The following LHFPL3 variants were observed in gnomAD, a reference collection of about 807,000 sequenced individuals.
The protein encoded by LHFPL3 is LHFPL tetraspan subfamily member 3.
Under a neutral mutation model 19.3 loss-of-function variants are expected in LHFPL3, and 5 were observed. The ratio of observed to expected loss-of-function variants is 0.26; its 90% confidence interval spans 0.14 to 0.54. The LOEUF (loss-of-function observed/expected upper bound fraction) is 0.54, where lower values mean the gene tolerates loss of function less well. Among genes scored for constraint, LHFPL3 ranks in the 20% least tolerant of loss-of-function variants. The pLI, the probability that LHFPL3 is intolerant of heterozygous loss-of-function variation, is 0.94. For synonymous variants in LHFPL3, 133 were observed against 126.2 expected (o/e 1.05, Z -0.36); for missense variants, 249 against 307.4 (o/e 0.81, Z 1.42).
In LHFPL3 at chr7:104,409,304, CTGTGTGTGTGTGTGTG is replaced by C. The variant is rs59285167; in HGVS notation, c.445+80102_445+80117del. Among the ~76,000 whole-genome samples the C allele has an allele frequency of 2.9e-4, 43 of 148,908 alleles. 2 individuals are homozygous for C. Among genetic ancestry groups the C allele is most frequent in the South Asian group, 2.0e-3 (9 of 4,606 alleles). ...ATTGCTAAAAACTTACTTATGTGTG[CTGTGTGTGTGTGTGTG>C]TGTGTGTGTGTGTGTGTGTGTCTGT... On this transcript the variant is annotated intron_variant, in intron 1 of 2. Transcript: ENST00000424859.
intron 2 of LHFPL3, among the ~76,000 whole-genome samples, chr7:104,850,725 C>T (rs1460593098): frequency 6.6e-6 from 1 of 152,208 alleles, no homozygotes; most frequent in Non-Finnish European, 1.5e-5. Context: ...AAATCAGAAA[C>T]TGTGGAGGTG....
intron 1 of LHFPL3, among the ~76,000 whole-genome samples, chr7:104,658,317 C>A (rs1483258584): frequency 6.6e-6 from 1 of 152,184 alleles, no homozygotes; most frequent in Non-Finnish European, 1.5e-5. Flanking sequence ...TGCACACATA[C>A]CTCTTTCTGT....
chr7:104,571,127 T>C (rs947412833), intron 1 of LHFPL3, among the ~76,000 whole-genome samples: 1 of 152,188 alleles, frequency 6.6e-6, no homozygotes, highest in Non-Finnish European at 1.5e-5. Context: ...TGCCTAGGTG[T>C]TAAAAACCTC....
intron 1 of LHFPL3, among the ~76,000 whole-genome samples, chr7:104,387,905 T>G (rs1287586898): frequency 6.6e-6 from 1 of 152,180 alleles, no homozygotes; most frequent in African/African-American, 2.4e-5. Context: ...ATAAGCATAG[T>G]ACCTGATAAG....
At chr7:104,853,609 AT>A (rs775721833) in intron 2 of LHFPL3, among the ~76,000 whole-genome samples, 1 of 152,222 alleles carries the variant, frequency 6.6e-6, no homozygotes, top group Non-Finnish European at 1.5e-5. Context: ...AATTTGATTT[AT>A]TTTTATTTAC....
intron 1 of LHFPL3, among the ~76,000 whole-genome samples, chr7:104,442,600 A>C (rs1389101025): frequency 6.6e-6 from 1 of 152,184 alleles, no homozygotes; most frequent in Non-Finnish European, 1.5e-5. Flanking sequence ...ACTGGGTAGA[A>C]TCTGGGTTTT....
chr7:104,610,399 A>AAG (rs147861540), intron 1 of LHFPL3, among the ~76,000 whole-genome samples: 73 of 150,950 alleles, frequency 4.8e-4, no homozygotes, highest in African/African-American at 1.1e-3. Context: ...AGAAACAGAA[A>AAG]AGAGAGAGAG....
intron 1 of LHFPL3, among the ~76,000 whole-genome samples, chr7:104,533,641 C>T (rs117282034): frequency 0.011 from 1,658 of 152,334 alleles, 17 homozygotes; most frequent in Middle Eastern, 0.02. Context: ...CTCACCCAGG[C>T]ACACAAAATC....
At chr7:104,707,344 A>G (rs761452124) in intron 1 of LHFPL3, among the ~76,000 whole-genome samples, 2 of 152,182 alleles carry the variant, frequency 1.3e-5, no homozygotes, top group Non-Finnish European at 2.9e-5. Context: ...AACAAACACC[A>G]TCATTACCCC....
At chr7:104,708,165 C>A (rs1793227492) in intron 1 of LHFPL3, among the ~76,000 whole-genome samples, 1 of 152,182 alleles carries the variant, frequency 6.6e-6, no homozygotes, top group African/African-American at 2.4e-5. Flanking sequence ...TCTTTGCCAA[C>A]TTTCGCGGTC....
intron 2 of LHFPL3, among the ~76,000 whole-genome samples, chr7:104,765,882 G>T (rs149288506): frequency 1.1e-3 from 162 of 152,340 alleles, no homozygotes; most frequent in African/African-American, 3.8e-3. Flanking sequence ...CACTTGTGCA[G>T]AAGTGTTCAG....
intron 1 of LHFPL3, among the ~76,000 whole-genome samples, chr7:104,543,775 G>T: frequency 1.0e-5 from 1 of 95,408 alleles, no homozygotes; most frequent in African/African-American, 4.0e-5. Context: ...TGGGGTGGGG[G>T]GAGGGGGGAG....
At chr7:104,761,326 AG>A (rs1285838849) in intron 2 of LHFPL3, among the ~76,000 whole-genome samples, 3 of 152,130 alleles carry the variant, frequency 2.0e-5, no homozygotes, top group African/African-American at 7.2e-5. Flanking sequence ...TTGTAGCACA[AG>A]GATGGAGTTT....
At chr7:104,614,535 A>C (rs57096895) in intron 1 of LHFPL3, among the ~76,000 whole-genome samples, 2 of 151,750 alleles carry the variant, frequency 1.3e-5, no homozygotes, top group Non-Finnish European at 2.9e-5. Context: ...CTTTCTTCCA[A>C]ATTCCTCCAG....
At chr7:104,810,274 T>C (rs991935383) in intron 2 of LHFPL3, among the ~76,000 whole-genome samples, 1 of 152,134 alleles carries the variant, frequency 6.6e-6, no homozygotes, top group Non-Finnish European at 1.5e-5. Flanking sequence ...GAGAAGCCAT[T>C]GCAGGGATTT....
chr7:104,469,897 A>G lies in LHFPL3; in HGVS notation c.445+140673A>G, dbSNP rs73405780. 1.9e-3 allele frequency: 716 copies of G among 375,162 alleles called. 6 individuals carry two copies. Among genetic ancestry groups the G allele is most frequent in the African/African-American group, 0.013 (629 of 48,032 alleles). 23.2% of individuals were successfully genotyped at this position (375,162 alleles called of 1,614,324 possible). ...AGATAAATGATATATTAATATTAAT[A>G]TCTATATCTAACCTAACATTCCCTC... On this transcript the variant is annotated intron_variant, in intron 1 of 2. Transcript: ENST00000424859.
intron 1 of LHFPL3, among the ~76,000 whole-genome samples, chr7:104,496,200 A>G (rs1793475199): frequency 2.0e-5 from 3 of 152,046 alleles, no homozygotes; most frequent in South Asian, 4.2e-4. Context: ...ATTCCCACCT[A>G]TGAGTGAGAA....
chr7:104,800,323 T>C (rs1790219508), intron 2 of LHFPL3, among the ~76,000 whole-genome samples: 1 of 152,184 alleles, frequency 6.6e-6, no homozygotes, highest in East Asian at 1.9e-4. Context: ...GTGGGATCTG[T>C]ATATGACTAG....
At chr7:104,857,460 A>T (rs1791530468) in intron 2 of LHFPL3, among the ~76,000 whole-genome samples, 1 of 152,216 alleles carries the variant, frequency 6.6e-6, no homozygotes, top group South Asian at 2.1e-4. Flanking sequence ...GGGATACAAG[A>T]TGAATAAATG....
Sources: gnomAD v4.1 joint callset for allele counts (sites outside exome capture counted in the v4.1 genomes callset) on GRCh38, gnomAD v4.1.1 for gene constraint, MANE v1.5 for transcripts, NCBI Gene and HGNC (gene_info 2026-07-23, HGNC 2026-07-21) for gene names.